MYO16: variants seen among roughly 807,000 people sequenced by gnomAD.
MYO16 encodes myosin XVI, also known as unconventional myosin-XVI.
In MYO16, 94 loss-of-function variants were observed where a neutral mutation model predicts 205.3. The observed-to-expected ratio is 0.46, with a 90% CI of 0.39 to 0.54. The LOEUF (loss-of-function observed/expected upper bound fraction) is 0.54. Ranked by LOEUF, MYO16 falls within the 20% of genes least tolerant of loss-of-function variation. The pLI is 0.00. For missense variants in MYO16, 2,315 were observed against 2,387.5 expected, an observed-to-expected ratio of 0.97 and a Z score of 0.63; for synonymous variants, 988 against 954.0, an observed-to-expected ratio of 1.04 and a Z score of -0.66.
intron 27 of MYO16, among the ~76,000 whole-genome samples, chr13:109,072,605 A>ACACACTCT (rs1201423082): frequency 6.8e-6 from 1 of 146,930 alleles, no homozygotes; most frequent in Non-Finnish European, 1.5e-5. Flanking sequence ...ACACACACTC[A>ACACACTCT]CACACTCTCA....
chr13:108,879,682 G>A (rs1006850260), intron 12 of MYO16, among the ~76,000 whole-genome samples: 18 of 152,112 alleles, frequency 1.2e-4, no homozygotes, highest in Non-Finnish European at 2.5e-4. Context: ...CCCTACAAAG[G>A]ACATGAACTC....
rs185924987 is a variant in MYO16, at chr13:108,668,145, A to C, written c.292+1996A>C. Among the ~76,000 whole-genome samples the C allele has an allele frequency of 1.7e-4, 26 of 152,378 alleles. No individual in the cohort carries two copies. In the East Asian group the frequency reaches 4.6e-3, roughly 27 times the overall value. On this transcript the variant is annotated intron_variant, in intron 2 of 34. Transcript: ENST00000457511. ...GGGTTAAAAGAAAACTCATAGTAGTAAATTACTAACTAAAAAGCCAAGAAG... is the reference window on the plus strand; with the variant it reads ...GGGTTAAAAGAAAACTCATAGTAGTCAATTACTAACTAAAAAGCCAAGAAG...
At position 109,201,437 on chromosome 13, in the gene MYO16, T is replaced by C. The variant is rs1296273697; in HGVS notation, c.5416-5172T>C. Reference sequence around the variant, plus strand: ...ACCCATGGGTTTACTAATTCCAGTGTTGTTAATTCCCTCTTACATTTCCAT... The same window carrying C: ...ACCCATGGGTTTACTAATTCCAGTGCTGTTAATTCCCTCTTACATTTCCAT... On this transcript the variant is annotated intron_variant, in intron 34 of 34. Coordinates refer to ENST00000457511, the MANE Select transcript of MYO16 (RefSeq NM_001198950.3). 5 of 149,078 alleles carry C rather than the reference T, an allele frequency of 3.4e-5. No homozygotes were observed. The East Asian group carries it at 7.8e-4, about 23-fold the overall frequency. The allele number at this position is 149,078 out of a possible 1,614,324, so 9.2% of individuals were successfully genotyped here. A position where few individuals can be genotyped will look rare whatever the true frequency, so the allele number is the denominator to read the frequency against.
chr13:108,863,065 T>C (rs1428223272), intron 11 of MYO16, among the ~76,000 whole-genome samples: 2 of 152,192 alleles, frequency 1.3e-5, no homozygotes, highest in African/African-American at 4.8e-5. Flanking sequence ...TCATTTTTTA[T>C]CCATCAAACT....
intron 1 of MYO16, among the ~76,000 whole-genome samples, chr13:108,660,739 T>TA (rs1881467013): frequency 6.6e-6 from 1 of 152,224 alleles, no homozygotes; most frequent in Non-Finnish European, 1.5e-5. Flanking sequence ...TGTAGTTCTG[T>TA]GTCTTTTAAG....
chr13:109,061,754 G>A (rs1887602089), intron 27 of MYO16, among the ~76,000 whole-genome samples: 1 of 152,186 alleles, frequency 6.6e-6, no homozygotes, highest in African/African-American at 2.4e-5. Context: ...GCAGAGAAGT[G>A]AAGTGTGAAC....
At chr13:108,732,262 A>C (rs955745673) in intron 4 of MYO16, among the ~76,000 whole-genome samples, 6 of 152,174 alleles carry the variant, frequency 3.9e-5, no homozygotes, top group Non-Finnish European at 7.3e-5. Context: ...TGTGTACTCA[A>C]GGGAGTCAGC....
At chr13:109,057,116 A>T (rs2139616216) in intron 27 of MYO16, among the ~76,000 whole-genome samples, 1 of 152,334 alleles carries the variant, frequency 6.6e-6, no homozygotes, top group East Asian at 1.9e-4. Context: ...AAAGGGAATA[A>T]TATTTAAACG....
chr13:109,004,878 C>T (rs1422490293), intron 21 of MYO16, among the ~76,000 whole-genome samples: 6 of 152,214 alleles, frequency 3.9e-5, no homozygotes, highest in African/African-American at 1.4e-4. Context: ...TTTGCCTTAA[C>T]AACAACGCCT....
At position 108,694,468 on chromosome 13, in the gene MYO16, A is replaced by G. The variant is rs564585160; in HGVS notation, c.293-18193A>G. ...TAATGTTCCTTTAAAAAATTTATTT[A>G]TTATAATCATCCCATTTCCCAAGCA... On this transcript the variant is annotated intron_variant, in intron 2 of 34. Coordinates refer to ENST00000457511, the MANE Select transcript of MYO16 (RefSeq NM_001198950.3). 1.1e-4 allele frequency among the ~76,000 whole-genome samples: 17 copies of G among 152,274 alleles called. No individual in the cohort carries two copies. In the South Asian group the frequency reaches 3.3e-3, roughly 30 times the overall value.
At chr13:109,187,133 C>G (rs1879720658) in intron 34 of MYO16, among the ~76,000 whole-genome samples, 1 of 152,166 alleles carries the variant, frequency 6.6e-6, no homozygotes, top group South Asian at 2.1e-4. Context: ...CACATATTCT[C>G]AGACTTGTTA....
In MYO16 at chr13:109,117,197, C is replaced by T. The variant is rs958360291; in HGVS notation, c.3439-3173C>T. 2.6e-5 allele frequency among the ~76,000 whole-genome samples: 4 copies of T among 152,042 alleles called. No individual in the cohort carries two copies. In the East Asian group the frequency reaches 7.7e-4, roughly 29 times the overall value. On this transcript the variant is annotated intron_variant, in intron 28 of 34. Coordinates refer to ENST00000457511, the MANE Select transcript of MYO16 (RefSeq NM_001198950.3). ...TTTGTCATCTTATCTCATTTTCACC[C>T]TAGAAGCTATCATCTGTCTCTGTGA... is the stretch of plus-strand genomic sequence containing the variant.
At chr13:108,812,871 G>T (rs910389486) in intron 7 of MYO16, among the ~76,000 whole-genome samples, 7 of 152,136 alleles carry the variant, frequency 4.6e-5, no homozygotes, top group African/African-American at 9.7e-5. Flanking sequence ...TCTGGAGGGT[G>T]CAACATTTAA....
intron 11 of MYO16, among the ~76,000 whole-genome samples, chr13:108,863,189 C>A (rs1594352643): frequency 6.6e-6 from 1 of 151,932 alleles, no homozygotes; most frequent in African/African-American, 2.4e-5. Context: ...AAAGTCATAC[C>A]TTTTTTTCTT....
chr13:108,893,359 C>G (rs1594375482), intron 14 of MYO16, among the ~76,000 whole-genome samples: 3 of 152,130 alleles, frequency 2.0e-5, no homozygotes, highest in Non-Finnish European at 4.4e-5. Flanking sequence ...GAAACTGTGA[C>G]TTTAAGCAAA....
At chr13:109,185,809 A>T (rs966938418) in intron 34 of MYO16, among the ~76,000 whole-genome samples, 12 of 152,210 alleles carry the variant, frequency 7.9e-5, no homozygotes, top group Admixed American at 1.3e-4. Context: ...TTGCACCTTT[A>T]CTGAGCATAG....
chr13:108,939,975 T>C (rs1323841318), intron 16 of MYO16, among the ~76,000 whole-genome samples: 1 of 152,192 alleles, frequency 6.6e-6, no homozygotes, highest in Non-Finnish European at 1.5e-5. Context: ...TCTCACCTGG[T>C]TAAATATTTC....
intron 3 of MYO16, among the ~76,000 whole-genome samples, chr13:108,721,188 C>T (rs942549086): frequency 6.6e-6 from 1 of 152,178 alleles, no homozygotes; most frequent in Non-Finnish European, 1.5e-5. Context: ...ACTGCTGATG[C>T]TGTGTTGAAA....
intron 28 of MYO16, among the ~76,000 whole-genome samples, chr13:109,114,023 T>C (rs774164014): frequency 1.3e-5 from 2 of 152,156 alleles, no homozygotes; most frequent in South Asian, 4.1e-4. Flanking sequence ...ACCAGGAAGA[T>C]GATGAAAAGT....
Sources: allele counts gnomAD v4.1 joint callset (sites outside exome capture counted in the v4.1 genomes callset), GRCh38; gene constraint gnomAD v4.1.1; transcripts MANE v1.5; gene names NCBI Gene and HGNC (gene_info 2026-07-23, HGNC 2026-07-21).